OCA2: variants seen among roughly 807,000 people sequenced by gnomAD.
The protein encoded by OCA2 is OCA2 melanosomal transmembrane protein, also known as P protein.
In OCA2, 77 loss-of-function variants were observed where a neutral mutation model predicts 100.2. The ratio of observed to expected loss-of-function variants is 0.77; its 90% CI spans 0.64 to 0.93. The LOEUF is 0.93. OCA2 is among the 40% of genes least tolerant of loss of function. The pLI, the probability that OCA2 is intolerant of heterozygous loss-of-function variation, is 0.00. For missense variants in OCA2, 1,062 were observed against 1,089.1 expected (o/e 0.98, Z 0.35); for synonymous variants, 432 against 439.2 (o/e 0.98, Z 0.21).
chr15:27,987,010 G>A (rs1310634345), intron 11 of OCA2, among the ~76,000 whole-genome samples: 2 of 152,226 alleles, frequency 1.3e-5, no homozygotes, highest in African/African-American at 4.8e-5. Flanking sequence ...AAATCTAGAA[G>A]CCGGGCGGGA....
chr15:27,881,812 A>C (rs1463021599), intron 19 of OCA2, among the ~76,000 whole-genome samples: 1 of 152,000 alleles, frequency 6.6e-6, no homozygotes, highest in African/African-American at 2.4e-5. Context: ...TGATTCTTTC[A>C]AAATACCAAC....
chr15:27,934,038 A>G (rs1341793225), intron 18 of OCA2, among the ~76,000 whole-genome samples: 2 of 152,216 alleles, frequency 1.3e-5, no homozygotes, highest in African/African-American at 4.8e-5. Context: ...ATACATATAC[A>G]TATCACATAC....
chr15:28,018,273 T>C (rs2042465397), intron 7 of OCA2, 124 bp downstream of exon 7: 1 of 858,392 alleles, frequency 1.2e-6, no homozygotes, highest in African/African-American at 1.7e-5. Context: ...GAAGAGCCAA[T>C]GAATTGACTA....
intron 11 of OCA2, among the ~76,000 whole-genome samples, chr15:27,988,545 A>T (rs562686693): frequency 6.6e-6 from 1 of 152,286 alleles, no homozygotes; most frequent in African/African-American, 2.4e-5. Flanking sequence ...CAAGCCCAGG[A>T]GGGAGGCTCA....
rs1261826108 is a variant in OCA2 at position 28,089,606 on chromosome 15, A to G, written c.-21-7711T>C. Among the ~76,000 whole-genome samples, 4 of 152,212 alleles carry G rather than the reference A, an allele frequency of 2.6e-5. No homozygotes were observed. In the East Asian group the frequency reaches 5.8e-4, roughly 22 times the overall value. ...AATGTTCAATTTACCCATAGCCCTAACATATCAGAAAAAAATGCATTACAT... is the reference window on the plus strand; with the variant it reads ...AATGTTCAATTTACCCATAGCCCTAGCATATCAGAAAAAAATGCATTACAT... On this transcript the variant is annotated intron_variant, in intron 1 of 23. Coordinates refer to ENST00000354638, the MANE Select transcript of OCA2 (RefSeq NM_000275.3).
At chr15:28,074,879 GAT>G (rs1452664119) in intron 2 of OCA2, among the ~76,000 whole-genome samples, 1 of 152,134 alleles carries the variant, frequency 6.6e-6, no homozygotes. Flanking sequence ...TAAATCAACA[GAT>G]AAATGGACAA....
At chr15:27,769,862 ACCTCGGCCTGTGTGCAGCG>A (rs58904895) in intron 23 of OCA2, among the ~76,000 whole-genome samples, 38,868 of 151,380 alleles carry the variant, frequency 0.26, 5,313 homozygotes, top group African/African-American at 0.29. Flanking sequence ...CCTCCCCAGC[ACCTCGGCCTGTGTGCAGCG>A]CCTCGGCCTG....
chr15:27,800,922 G>A (rs1222318854), intron 23 of OCA2, among the ~76,000 whole-genome samples: 2 of 103,618 alleles, frequency 1.9e-5, no homozygotes, highest in Non-Finnish European at 4.3e-5. Context: ...AACCAAGACT[G>A]CATCACTGTA....
intron 2 of OCA2, among the ~76,000 whole-genome samples, chr15:28,033,088 C>T (rs531627798): frequency 6.6e-6 from 1 of 152,300 alleles, no homozygotes; most frequent in South Asian, 2.1e-4. Flanking sequence ...GAAGGACCAC[C>T]ATAAATGTAT....
intron 5 of OCA2, among the ~76,000 whole-genome samples, chr15:28,023,023 A>G (rs2042642969): frequency 6.6e-6 from 1 of 152,212 alleles, no homozygotes. Context: ...TCTATTTTGG[A>G]TATCTCCACA....
At chr15:27,945,722 C>A (rs866136835) in intron 18 of OCA2, among the ~76,000 whole-genome samples, 1 of 152,098 alleles carries the variant, frequency 6.6e-6, no homozygotes, top group African/African-American at 2.4e-5. Flanking sequence ...AATTTCAAAA[C>A]CATAATCAGG....
At chr15:27,795,605 C>T (rs1478224730) in intron 23 of OCA2, among the ~76,000 whole-genome samples, 1 of 152,240 alleles carries the variant, frequency 6.6e-6, no homozygotes, top group Admixed American at 6.5e-5. Flanking sequence ...CAACAACCAT[C>T]TCTCTAGTTC....
intron 2 of OCA2, among the ~76,000 whole-genome samples, chr15:28,042,643 GTAAA>G (rs1566832832): frequency 1.3e-5 from 2 of 150,808 alleles, no homozygotes. Flanking sequence ...CTGTCTCAAA[GTAAA>G]TAAATAAATA....
At chr15:27,824,128 G>A (rs1269707919) in intron 23 of OCA2, among the ~76,000 whole-genome samples, 1 of 152,200 alleles carries the variant, frequency 6.6e-6, no homozygotes, top group Non-Finnish European at 1.5e-5. Flanking sequence ...AACACTTTGG[G>A]AGGCTGAGGC....
chr15:27,811,712 C>T (rs2034086454), intron 23 of OCA2, among the ~76,000 whole-genome samples: 1 of 152,182 alleles, frequency 6.6e-6, no homozygotes, highest in African/African-American at 2.4e-5. Context: ...TTGGCAGTGT[C>T]CATGTGCGTT....
chr15:27,896,360 C>G, intron 19 of OCA2: 3 of 764,866 alleles, frequency 3.9e-6, no homozygotes, highest in South Asian at 2.7e-5. Flanking sequence ...AGAAACAGTT[C>G]GTTCAATACA....
chr15:27,814,816 G>C (rs577521112), intron 23 of OCA2, among the ~76,000 whole-genome samples: 1 of 152,228 alleles, frequency 6.6e-6, no homozygotes, highest in Admixed American at 6.5e-5. Context: ...TGGGAGGCCA[G>C]AGGTTGCAGT....
intron 18 of OCA2, among the ~76,000 whole-genome samples, chr15:27,948,491 T>A (rs933519998): frequency 5.9e-5 from 9 of 152,034 alleles, no homozygotes; most frequent in Non-Finnish European, 1.0e-4. Context: ...TTTTCTGAAA[T>A]AGTCTGGCTC....
At chr15:28,069,795 C>T (rs886201999) in intron 2 of OCA2, among the ~76,000 whole-genome samples, 2 of 136,532 alleles carry the variant, frequency 1.5e-5, no homozygotes, top group Non-Finnish European at 3.0e-5. Context: ...CCCAAAGTGC[C>T]GAGATTGCAG....
Sources: gnomAD v4.1 joint callset for allele counts (sites outside exome capture counted in the v4.1 genomes callset) on GRCh38, gnomAD v4.1.1 for gene constraint, MANE v1.5 for transcripts, NCBI Gene and HGNC (gene_info 2026-07-23, HGNC 2026-07-21) for gene names.